Variants in FAM167A observed in about 807,000 individuals in gnomAD.
FAM167A encodes protein FAM167A.
A neutral mutation model predicts 14.9 loss-of-function variants in FAM167A; 23 were observed. That is an observed-to-expected ratio of 1.55 (90% CI 1.11 to 2.19). The LOEUF (loss-of-function observed/expected upper bound fraction) is 2.19. Ranked by LOEUF, FAM167A falls within the 30% of genes most tolerant of loss-of-function variation. The pLI is 0.00. For synonymous variants in FAM167A, 174 were observed against 117.7 expected, an observed-to-expected ratio of 1.48 and a Z score of -3.10; for missense variants, 401 against 281.5, an observed-to-expected ratio of 1.42 and a Z score of -3.04.
rs368969734 is a variant in FAM167A at position 11,444,377 on chromosome 8, C to A, written c.35G>T (p.Gly12Val). The A allele has an allele frequency of 1.9e-6, 3 of 1,568,634 alleles. No homozygotes were observed. The highest frequency in any genetic ancestry group is 4.5e-5 in the East Asian group (2 of 44,368). ...SVPQIHVEEV[G>V]AEEGAGAAAP... ...GGCTGCTCCCGCCCCCTCTTCTGCA[C>A]CCACTTCTTCCACGTGGATCTGGGG... Residue 12 changes from glycine to valine, a missense_variant, in exon 2 of 3, where the codon GGT (glycine) becomes GTT (valine). Coordinates refer to ENST00000284486, the MANE Select transcript of FAM167A (RefSeq NM_053279.3).
intron 1 of FAM167A, among the ~76,000 whole-genome samples, chr8:11,475,795 C>T (rs1313896771): frequency 5.9e-5 from 9 of 152,110 alleles, no homozygotes; most frequent in Admixed American, 5.2e-4. Context: ...ATGTCCCCTC[C>T]CCCAACTCAA....
chr8:11,455,150 G>A (rs1807183976), intron 1 of FAM167A, among the ~76,000 whole-genome samples: 1 of 144,874 alleles, frequency 6.9e-6, no homozygotes. Context: ...GTGTGTGTGT[G>A]TGTGACTGTG....
At chr8:11,432,423 C>G (rs1375961613) in intron 2 of FAM167A, among the ~76,000 whole-genome samples, 1 of 152,148 alleles carries the variant, frequency 6.6e-6, no homozygotes, top group African/African-American at 2.4e-5. Context: ...TGAACAGACA[C>G]TTCTCAAAAG....
intron 2 of FAM167A, among the ~76,000 whole-genome samples, chr8:11,431,667 G>C (rs777061917): frequency 6.6e-6 from 1 of 152,066 alleles, no homozygotes; most frequent in Non-Finnish European, 1.5e-5. Flanking sequence ...TTAGTCCTGG[G>C]CAAATAGAGA....
chr8:11,450,130 C>A (rs563427264), intron 1 of FAM167A, among the ~76,000 whole-genome samples: 13 of 152,212 alleles, frequency 8.5e-5, no homozygotes, highest in Non-Finnish European at 1.0e-4. Context: ...TCTTTCACAC[C>A]CCTGACTCGG....
In FAM167A at chr8:11,423,450, G is replaced by T. The variant is rs1291127550; in HGVS notation, c.*923C>A. ...CAAAATCTCAGAGGAGGCTCAGGAT[G>T]GGCCTCTGGGCTCCCTAGATTGTCT... On this transcript the variant is annotated 3_prime_UTR_variant, in exon 3 of 3. Coordinates refer to ENST00000284486, the MANE Select transcript of FAM167A (RefSeq NM_053279.3). The T allele has an allele frequency of 1.3e-5, 2 of 152,626 alleles. No individual in the cohort carries two copies. Among genetic ancestry groups the T allele is most frequent in the Non-Finnish European group, 2.9e-5 (2 of 68,062 alleles). 9.5% of individuals were successfully genotyped at this position (152,626 alleles called of 1,614,324 possible). A position where few individuals can be genotyped will look rare whatever the true frequency, so the allele number is the denominator to read the frequency against.
At chr8:11,463,821 G>T (rs1807638067) in intron 1 of FAM167A, among the ~76,000 whole-genome samples, 1 of 152,182 alleles carries the variant, frequency 6.6e-6, no homozygotes, top group Non-Finnish European at 1.5e-5. Flanking sequence ...TGGGGAGGAG[G>T]ATCACACTTA....
chr8:11,473,935 C>A (rs1797790023), intron 1 of FAM167A, among the ~76,000 whole-genome samples: 1 of 152,092 alleles, frequency 6.6e-6, no homozygotes, highest in Non-Finnish European at 1.5e-5. Context: ...TGCAGTGGCG[C>A]AATACCAGCT....
At chr8:11,451,597 C>T (rs1807029926) in intron 1 of FAM167A, among the ~76,000 whole-genome samples, 1 of 152,240 alleles carries the variant, frequency 6.6e-6, no homozygotes, top group Non-Finnish European at 1.5e-5. Context: ...GCCTTCTCTG[C>T]AACCAGAGGA....
intron 2 of FAM167A, among the ~76,000 whole-genome samples, chr8:11,436,413 A>G (rs1806017382): frequency 6.6e-6 from 1 of 152,182 alleles, no homozygotes; most frequent in African/African-American, 2.4e-5. Flanking sequence ...TGGCCCAGGT[A>G]CGGCTGTTCT....
intron 2 of FAM167A, among the ~76,000 whole-genome samples, chr8:11,436,233 G>A (rs887817602): frequency 1.3e-5 from 2 of 152,210 alleles, no homozygotes; most frequent in African/African-American, 4.8e-5. Context: ...ATGCGGTGGG[G>A]ACCCTCCCAC....
chr8:11,459,432 C>T (rs1473418495), intron 1 of FAM167A, among the ~76,000 whole-genome samples: 1 of 152,230 alleles, frequency 6.6e-6, no homozygotes, highest in Admixed American at 6.5e-5. Context: ...GGGCAAATAA[C>T]ACTGAAATAT....
At chr8:11,470,395 A>G (rs2736323), upstream of FAM167A, among the ~76,000 whole-genome samples, 134,162 of 152,126 alleles carry the variant, frequency 0.88, 59,431 homozygotes, top group East Asian at 1. Flanking sequence ...GCCAGCATGG[A>G]TGCCTCGAGG....
chr8:11,456,140 T>TATCA (rs1807275479), intron 1 of FAM167A, among the ~76,000 whole-genome samples: 2 of 21,172 alleles, frequency 9.4e-5, no homozygotes, highest in African/African-American at 3.3e-4. Flanking sequence ...CCTTGCTGTG[T>TATCA]GTGTGTGTGA....
chr8:11,443,945 G>A (rs1424276718), intron 2 of FAM167A, 86 bp downstream of exon 2: 4 of 1,466,906 alleles, frequency 2.7e-6, no homozygotes, highest in Non-Finnish European at 3.7e-6. Flanking sequence ...GTGGGGGTGG[G>A]GAGACAGACA....
At chr8:11,449,591 G>C (rs887839153) in intron 1 of FAM167A, among the ~76,000 whole-genome samples, 2 of 152,178 alleles carry the variant, frequency 1.3e-5, no homozygotes, top group Admixed American at 6.5e-5. Flanking sequence ...CTGGGACCTA[G>C]GGTGTCTAGA....
In FAM167A at chr8:11,424,422, A is replaced by G. The variant is rs1804984941; in HGVS notation, c.596T>C (p.Ile199Thr). The G allele has an allele frequency of 1.2e-6, 2 of 1,613,984 alleles. No homozygotes were observed. Among genetic ancestry groups the G allele is most frequent in the Non-Finnish European group, 1.7e-6 (2 of 1,179,984 alleles). Reference sequence around the variant, plus strand: ...GTTGATGTTCATCTTGGTCACGCCAATAAGCTTGAGTGGTGTGGAGAGGCT... The same window carrying G: ...GTTGATGTTCATCTTGGTCACGCCAGTAAGCTTGAGTGGTGTGGAGAGGCT... The part of the protein sequence containing the change: ...SFSLSTPLKL[I>T]GVTKMNINSR... Residue 199 changes from isoleucine to threonine, a missense_variant, in exon 3 of 3, where the codon ATT (isoleucine) becomes ACT (threonine). Transcript: ENST00000284486.
intron 2 of FAM167A, chr8:11,435,163 T>G: frequency 2.2e-6 from 1 of 456,190 alleles, no homozygotes; most frequent in Non-Finnish European, 4.4e-6. Context: ...TCTGATGCCC[T>G]TGCCCCCACA....
Position 11,459,395 on chromosome 8 carries a change from C to T in FAM167A, c.-398+7231G>A, listed in dbSNP as rs186311611. On this transcript the variant is annotated intron_variant, in intron 1 of 2. Transcript: ENST00000284486. ...AGGCATGTGAGCTTTATAGTACTTA[C>T]AAGTCCAGTGTTCCTAGAAACCTCA... Among the ~76,000 whole-genome samples the T allele has an allele frequency of 1.0e-3, 155 of 152,362 alleles. 1 individual carries two copies. Among genetic ancestry groups the T allele is most frequent in the African/African-American group, 3.6e-3 (149 of 41,584 alleles).
Sources: gnomAD v4.1 joint callset for allele counts (sites outside exome capture counted in the v4.1 genomes callset) on GRCh38, gnomAD v4.1.1 for gene constraint, MANE v1.5 for transcripts, NCBI Gene and HGNC (gene_info 2026-07-23, HGNC 2026-07-21) for gene names.